The following HAPLN2 variants were observed in gnomAD, a reference collection of about 807,000 sequenced individuals.
HAPLN2 encodes the protein hyaluronan and proteoglycan link protein 2, also known as brain link protein-1.
HAPLN2 carries 27 observed loss-of-function variants against 29.3 expected under a neutral mutation model. The ratio of observed to expected loss-of-function variants is 0.92; its 90% CI spans 0.68 to 1.27. The LOEUF is 1.27. Ranked by LOEUF, HAPLN2 falls within the 50% of genes most tolerant of loss-of-function variation. HAPLN2 has a pLI of 0.00. For synonymous variants in HAPLN2, 208 were observed against 211.7 expected, an observed-to-expected ratio of 0.98 and a Z score of 0.15; for missense variants, 454 against 484.3, an observed-to-expected ratio of 0.94 and a Z score of 0.59.
At chr1:156,613,916 C>CAAAAAAAAAAAAAAAAAAAAAAAAAA in the HAPLN2 span, among the ~76,000 whole-genome samples, 1 of 115,746 alleles carries the variant, frequency 8.6e-6, no homozygotes, top group Non-Finnish European at 1.6e-5. Context: ...GATTCCTTCT[C>CAAAAAAAAAAAAAAAAAAAAAAAAAA]AAAAAAAAAA....
the HAPLN2 span, among the ~76,000 whole-genome samples, chr1:156,612,305 T>C: frequency 6.6e-6 from 1 of 152,194 alleles, no homozygotes; most frequent in Admixed American, 6.5e-5. Context: ...ATTACAGGTG[T>C]GAGCCACCGC....
the HAPLN2 span, among the ~76,000 whole-genome samples, chr1:156,611,898 G>A: frequency 6.6e-6 from 1 of 152,212 alleles, no homozygotes; most frequent in Non-Finnish European, 1.5e-5. Context: ...CACAGGGAAA[G>A]AAGGAACAGA....
intron 2 of HAPLN2, among the ~76,000 whole-genome samples, chr1:156,623,037 A>AAAATAAATAAATAAATAAATAAAT (rs56280786): frequency 9.0e-6 from 1 of 111,424 alleles, no homozygotes; most frequent in African/African-American, 3.2e-5. Flanking sequence ...CTGTCTCAAA[A>AAAATAAATAAATAAATAAATAAAT]AAATAAATAA....
At position 156,625,253 on chromosome 1, in the gene HAPLN2, G is replaced by C; in HGVS notation, c.892G>C (p.Gly298Arg). 6.4e-7 allele frequency: 1 copy of C among 1,574,384 alleles called. No individual in the cohort carries two copies. The highest frequency in any genetic ancestry group is 8.6e-7 in the Non-Finnish European group (1 of 1,161,154). ...GTGCGACGGCGGCTGGCTGGCTGAC[G>C]GCAGTGTGCGCTTCCCAATCACCAC... ...DQCDGGWLAD[G>R]SVRFPITTPR... The change falls in exon 7 of 7, where the codon GGC (glycine) becomes CGC (arginine). Residue 298 changes from glycine (G) to arginine (R), a missense_variant. Coordinates refer to ENST00000255039, the MANE Select transcript of HAPLN2 (RefSeq NM_021817.3). The surrounding 1 kb of genome is among the most constrained non-coding windows in gnomAD (Gnocchi z 5.7).
the HAPLN2 span, among the ~76,000 whole-genome samples, chr1:156,608,701 C>T: frequency 4.6e-5 from 7 of 152,078 alleles, no homozygotes; most frequent in South Asian, 2.1e-4. Context: ...TACCACCACA[C>T]TTGGCTAATT....
rs200510721 is a variant in HAPLN2, at chr1:156,623,049, T to TA, written c.-24-415dup. On this transcript the variant is annotated intron_variant, in intron 2 of 6. Coordinates refer to ENST00000255039, the MANE Select transcript of HAPLN2 (RefSeq NM_021817.3). ...ACTCTGTCTCAAAAAAATAAATAAATAAATAAATAAATAAATAAATAAATA... is the reference window on the plus strand; with the variant it reads ...ACTCTGTCTCAAAAAAATAAATAAATAAAATAAATAAATAAATAAATAAATA... Among the ~76,000 whole-genome samples the TA allele has an allele frequency of 7.3e-3, 771 of 105,604 alleles. 43 individuals are homozygous for TA. The highest frequency in any genetic ancestry group is 0.026 in the African/African-American group (716 of 27,394). The allele number at this position is 105,604 out of a possible 152,430, so 69.3% of individuals were successfully genotyped here.
upstream of HAPLN2, among the ~76,000 whole-genome samples, chr1:156,618,488 A>C (rs7538961): frequency 6.6e-6 from 1 of 150,572 alleles, no homozygotes. Context: ...TAAAAAAAAA[A>C]TTTTAAAAAG....
In HAPLN2 at chr1:156,625,102, C is replaced by G. The variant is rs1478828778; in HGVS notation, c.741C>G (p.Gly247=). The change falls in exon 7 of 7, where the codon GGC becomes GGG. Residue 247 remains glycine, a splice_region_variant and synonymous_variant. Coordinates refer to ENST00000255039, the MANE Select transcript of HAPLN2 (RefSeq NM_021817.3). The surrounding 1 kb of genome is among the most constrained non-coding windows in gnomAD (Gnocchi z 5.7). ...TCGGTGACCCGCTGTGGTCCCCAGG[C>G]CAAGTGTTCTTCGTGCCCGGGCGGC... ...DAFCFTSALA[G]QVFFVPGRLT... 1 of 1,537,674 alleles carries G rather than the reference C, an allele frequency of 6.5e-7. No individual in the cohort carries two copies. Among genetic ancestry groups the G allele is most frequent in the Admixed American group, 2.0e-5 (1 of 50,958 alleles).
chr1:156,621,385 G>A (rs1324205275), intron 2 of HAPLN2, among the ~76,000 whole-genome samples: 1 of 151,524 alleles, frequency 6.6e-6, no homozygotes, highest in African/African-American at 2.4e-5. Flanking sequence ...TTACAGGTGT[G>A]ACCCACTGTG....
the HAPLN2 span, among the ~76,000 whole-genome samples, chr1:156,604,437 G>A: frequency 1.3e-5 from 2 of 152,016 alleles, no homozygotes; most frequent in Non-Finnish European, 2.9e-5. Flanking sequence ...CTACAGGTGC[G>A]TGCCACCACG....
upstream of HAPLN2, among the ~76,000 whole-genome samples, chr1:156,614,519 C>A (rs906011582): frequency 6.6e-6 from 1 of 152,120 alleles, no homozygotes; most frequent in Non-Finnish European, 1.5e-5. Context: ...CGGCACCCAG[C>A]CAGAGTTCAC....
upstream of HAPLN2, among the ~76,000 whole-genome samples, chr1:156,616,630 G>C (rs944763483): frequency 1.3e-5 from 2 of 152,194 alleles, no homozygotes; most frequent in African/African-American, 4.8e-5. Flanking sequence ...GTTTGTTTGA[G>C]TTGGCAGGAA....
chr1:156,615,572 CTT>C (rs770223466), upstream of HAPLN2, among the ~76,000 whole-genome samples: 5 of 81,724 alleles, frequency 6.1e-5, no homozygotes, highest in Admixed American at 1.3e-4. Flanking sequence ...CTCTCTCTCT[CTT>C]TTTTTTTTTT....
chr1:156,617,253 G>A (rs141762171), upstream of HAPLN2, among the ~76,000 whole-genome samples: 1 of 151,824 alleles, frequency 6.6e-6, no homozygotes, highest in Non-Finnish European at 1.5e-5. Context: ...CTCAATGACT[G>A]TATTGTGCGT....
upstream of HAPLN2, among the ~76,000 whole-genome samples, chr1:156,619,100 T>C (rs909963398): frequency 6.6e-6 from 1 of 152,110 alleles, no homozygotes; most frequent in Admixed American, 6.6e-5. Context: ...AAAATCTCTT[T>C]AGAGCCCTGT....
At chr1:156,606,679 C>T in the HAPLN2 span, among the ~76,000 whole-genome samples, 2 of 151,862 alleles carry the variant, frequency 1.3e-5, no homozygotes, top group African/African-American at 4.8e-5. Flanking sequence ...GACAGGGTTT[C>T]ACCATGTTGC....
Position 156,625,270 on chromosome 1 carries a change from A to G in HAPLN2, c.909A>G (p.Pro303=). The G allele has an allele frequency of 6.3e-7, 1 of 1,576,634 alleles. No homozygotes were observed. ...GWLADGSVRF[P]ITTPRPRCGG... Reference sequence around the variant, plus strand: ...TGGCTGACGGCAGTGTGCGCTTCCCAATCACCACGCCGAGGCCGCGCTGCG... The same window carrying G: ...TGGCTGACGGCAGTGTGCGCTTCCCGATCACCACGCCGAGGCCGCGCTGCG... Residue 303 remains proline, a synonymous_variant, in exon 7 of 7, where the codon CCA becomes CCG. Transcript: ENST00000255039. The surrounding 1 kb of genome is among the most constrained non-coding windows in gnomAD (Gnocchi z 5.7).
chr1:156,623,202 G>A (rs767135629), intron 2 of HAPLN2, among the ~76,000 whole-genome samples: 1 of 152,036 alleles, frequency 6.6e-6, no homozygotes, highest in South Asian at 2.1e-4. Flanking sequence ...TAGCACTTGT[G>A]ATGAGGGGGA....
chr1:156,609,576 A>C, the HAPLN2 span, among the ~76,000 whole-genome samples: 569 of 152,294 alleles, frequency 3.7e-3, 5 homozygotes, highest in African/African-American at 0.013. Context: ...TTATTTTTAC[A>C]TTTATATTTT....
Sources: gnomAD v4.1 joint callset for allele counts (sites outside exome capture counted in the v4.1 genomes callset) on GRCh38, gnomAD v4.1.1 for gene constraint, Gnocchi (gnomAD v3.1) non-coding constraint, MANE v1.5 for transcripts, NCBI Gene and HGNC (gene_info 2026-07-23, HGNC 2026-07-21) for gene names.